Variants in OSBPL3 observed in about 807,000 individuals in gnomAD.
OSBPL3 encodes oxysterol binding protein like 3, also known as oxysterol-binding protein-related protein 3.
OSBPL3 carries 65 observed loss-of-function variants against 120.1 expected under a neutral mutation model. That is an observed-to-expected ratio of 0.54 (90% confidence interval 0.44 to 0.67). OSBPL3 has a LOEUF of 0.67. Ranked by LOEUF, OSBPL3 falls within the 30% of genes least tolerant of loss-of-function variation. The probability of loss-of-function intolerance (pLI) is 0.00; values close to 1 mark genes in which losing one functional copy is unlikely to be tolerated. For missense variants in OSBPL3, 1,004 were observed against 1,082.1 expected, an observed-to-expected ratio of 0.93 and a Z score of 1.01; for synonymous variants, 416 against 402.6, an observed-to-expected ratio of 1.03 and a Z score of -0.40.
Position 24,849,087 on chromosome 7 carries a change from C to G in OSBPL3, c.1248G>C (p.Ser416=). 1 of 1,613,382 alleles carries G rather than the reference C, an allele frequency of 6.2e-7. No individual in the cohort carries two copies. Among genetic ancestry groups the G allele is most frequent in the Non-Finnish European group, 8.5e-7 (1 of 1,179,428 alleles). The change falls in exon 12 of 23, where the codon TCG becomes TCC. Residue 416 remains serine (S), a synonymous_variant. Transcript: ENST00000313367. This position sits in a 1 kb window ranked among gnomAD's most constrained non-coding sequence, Gnocchi z 5.4. ...LLLDSPAVAK[S]GDNLAEENSR... is the part of the protein sequence containing the mutation. ...TACCCACCTCTGCCAGATTGTCACC[C>G]GACTTGGCGACAGCGGGGGAGTCGA...
chr7:24,919,694 T>C (rs1005432290), intron 1 of OSBPL3, among the ~76,000 whole-genome samples: 94 of 151,286 alleles, frequency 6.2e-4, no homozygotes, highest in African/African-American at 2.1e-3. Flanking sequence ...CATTTTGCAC[T>C]TCAAAGGGCA....
At chr7:24,920,361 C>A (rs1810247242) in intron 1 of OSBPL3, among the ~76,000 whole-genome samples, 1 of 152,110 alleles carries the variant, frequency 6.6e-6, no homozygotes. Context: ...TAAAACATTA[C>A]ACTAAGTGAA....
At position 24,898,783 on chromosome 7, in the gene OSBPL3, G is replaced by A. The variant is rs928717898; in HGVS notation, c.-149-6162C>T. Among the ~76,000 whole-genome samples, 4 of 152,104 alleles carry A rather than the reference G, an allele frequency of 2.6e-5. No homozygotes were observed. Among genetic ancestry groups the A allele is most frequent in the African/African-American group, 7.2e-5 (3 of 41,428 alleles). On this transcript the variant is annotated intron_variant, in intron 1 of 22. Transcript: ENST00000313367. The surrounding 1 kb of genome is among the most constrained non-coding windows in gnomAD (Gnocchi z 4.3). Reference sequence around the variant, plus strand: ...CATTAGAATCATGGAGCCTAATAACGAATTCTAGCCCAACCTCCGGCTTAA... The same window carrying A: ...CATTAGAATCATGGAGCCTAATAACAAATTCTAGCCCAACCTCCGGCTTAA...
intron 1 of OSBPL3, among the ~76,000 whole-genome samples, chr7:24,956,666 T>G (rs1406565013): frequency 6.6e-6 from 1 of 152,256 alleles, no homozygotes; most frequent in Non-Finnish European, 1.5e-5. Context: ...TATTCTTCCT[T>G]GTAAAACAGG....
rs148356855 is a variant in OSBPL3 at position 24,929,603 on chromosome 7, C to CT, written c.-149-36983dup. On this transcript the variant is annotated intron_variant, in intron 1 of 22. Coordinates refer to ENST00000313367, the MANE Select transcript of OSBPL3 (RefSeq NM_015550.4). ...CTATAATTCTCTCCCAAATACCACA[C>CT]TTTTTTTTTAAGGAATAAGAATTCA... Among the ~76,000 whole-genome samples the CT allele has an allele frequency of 3.1e-3, 473 of 151,128 alleles. 1 individual carries two copies. In the Middle Eastern group the frequency reaches 0.038, roughly 12 times the overall value.
chr7:24,942,361 A>G lies in OSBPL3; in HGVS notation c.-150+37525T>C, dbSNP rs1037962397. ...CACACCTGACCACGGCACTAAGTGC[A>G]CTTGTAGCCAGGAGTGCCTGAAGCC... On this transcript the variant is annotated intron_variant, in intron 1 of 22. Transcript: ENST00000313367. 7.2e-5 allele frequency among the ~76,000 whole-genome samples: 11 copies of G among 152,214 alleles called. No homozygotes were observed. The East Asian group carries it at 1.9e-3, about 27-fold the overall frequency.
rs898011290 is a variant in OSBPL3 at position 24,936,207 on chromosome 7, A to G, written c.-149-43586T>C. On this transcript the variant is annotated intron_variant, in intron 1 of 22. Coordinates refer to ENST00000313367, the MANE Select transcript of OSBPL3 (RefSeq NM_015550.4). The surrounding 1 kb of genome is among the most constrained non-coding windows in gnomAD (Gnocchi z 4.2). ...AGATAAACTTGAAAAGTTCTTCCCC[A>G]TGAAGCTGAGTGAGTAAGTAAGAAC... Among the ~76,000 whole-genome samples the G allele has an allele frequency of 6.6e-6, 1 of 152,194 alleles. No homozygotes were observed. Among genetic ancestry groups the G allele is most frequent in the African/African-American group, 2.4e-5 (1 of 41,442 alleles).
Position 24,900,793 on chromosome 7 carries a change from C to A in OSBPL3, c.-149-8172G>T, listed in dbSNP as rs1353639031. Among the ~76,000 whole-genome samples, 1 of 152,096 alleles carries A rather than the reference C, an allele frequency of 6.6e-6. No individual in the cohort carries two copies. The highest frequency in any genetic ancestry group is 1.5e-5 in the Non-Finnish European group (1 of 68,020). On this transcript the variant is annotated intron_variant, in intron 1 of 22. Coordinates refer to ENST00000313367, the MANE Select transcript of OSBPL3 (RefSeq NM_015550.4). The surrounding 1 kb of genome is among the most constrained non-coding windows in gnomAD (Gnocchi z 4.5). Reference sequence around the variant, plus strand: ...GACCAGCCTGGGCAACAAGGCGAAACCCCCATCTTTACAAAAAATATTAGG... The same window carrying A: ...GACCAGCCTGGGCAACAAGGCGAAAACCCCATCTTTACAAAAAATATTAGG...
chr7:24,845,286 A>G (rs1205495384), intron 12 of OSBPL3, among the ~76,000 whole-genome samples: 1 of 147,686 alleles, frequency 6.8e-6, no homozygotes, highest in Non-Finnish European at 1.5e-5. Flanking sequence ...AAGCTTGTAG[A>G]GATGTTATTC....
intron 10 of OSBPL3, among the ~76,000 whole-genome samples, chr7:24,859,880 A>G (rs1800289738): frequency 1.3e-5 from 2 of 152,150 alleles, no homozygotes; most frequent in African/African-American, 4.8e-5. Flanking sequence ...AAAAAATTCA[A>G]TCCCCTATTG....
At chr7:24,902,110 T>A (rs1807113097) in intron 1 of OSBPL3, among the ~76,000 whole-genome samples, 1 of 152,238 alleles carries the variant, frequency 6.6e-6, no homozygotes, top group Non-Finnish European at 1.5e-5. Context: ...AGGATCTCCC[T>A]GAAAGGGGTT....
Position 24,870,643 on chromosome 7 carries a change from C to T in OSBPL3, c.381+89G>A, listed in dbSNP as rs1376528673. On this transcript the variant is annotated intron_variant, in intron 5 of 22. Coordinates refer to ENST00000313367, the MANE Select transcript of OSBPL3 (RefSeq NM_015550.4). The stretch of plus-strand genomic sequence containing the variant: ...TAATGAAGGTCTTCTACATGTTGGC[C>T]GAATACCCAAAAGGCATTACCAATA... 3.2e-5 allele frequency: 26 copies of T among 812,806 alleles called. No homozygotes were observed. The South Asian group carries it at 3.3e-4, about 10-fold the overall frequency. 50.3% of individuals were successfully genotyped at this position (812,806 alleles called of 1,614,324 possible). A position where few individuals can be genotyped will look rare whatever the true frequency, so the allele number is the denominator to read the frequency against.
At chr7:24,880,036 A>C (rs1348788651) in intron 2 of OSBPL3, among the ~76,000 whole-genome samples, 1 of 152,204 alleles carries the variant, frequency 6.6e-6, no homozygotes, top group Non-Finnish European at 1.5e-5. Context: ...GAAAACATCC[A>C]GCCCATAAAT....
At chr7:24,949,414 T>C (rs1814119685) in intron 1 of OSBPL3, among the ~76,000 whole-genome samples, 1 of 152,246 alleles carries the variant, frequency 6.6e-6, no homozygotes, top group Non-Finnish European at 1.5e-5. Flanking sequence ...TTTTCTTTCT[T>C]AGTGGTACAT....
intron 1 of OSBPL3, among the ~76,000 whole-genome samples, chr7:24,929,708 G>C (rs7792910): frequency 0.13 from 20,309 of 152,030 alleles, 1,674 homozygotes; most frequent in East Asian, 0.23. Flanking sequence ...CATGAACTTT[G>C]ATGTGAACAT....
rs1813796047 is a variant in OSBPL3 at position 24,946,889 on chromosome 7, T to A, written c.-150+32997A>T. On this transcript the variant is annotated intron_variant, in intron 1 of 22. Coordinates refer to ENST00000313367, the MANE Select transcript of OSBPL3 (RefSeq NM_015550.4). This position sits in a 1 kb window ranked among gnomAD's most constrained non-coding sequence, Gnocchi z 4.3. Reference sequence around the variant, plus strand: ...ATCTGCTTTGTGAGGATAAGAACTGTCTTAACTCTTTTTCTTTCCCACAAC... The same window carrying A: ...ATCTGCTTTGTGAGGATAAGAACTGACTTAACTCTTTTTCTTTCCCACAAC... Among the ~76,000 whole-genome samples, 1 of 152,240 alleles carries A rather than the reference T, an allele frequency of 6.6e-6. No individual in the cohort carries two copies. The highest frequency in any genetic ancestry group is 1.5e-5 in the Non-Finnish European group (1 of 68,032).
In OSBPL3 at chr7:24,965,812, A is replaced by G. The variant is rs1816309642; in HGVS notation, c.-150+14074T>C. 6.6e-6 allele frequency among the ~76,000 whole-genome samples: 1 copy of G among 152,084 alleles called. No individual in the cohort carries two copies. The highest frequency in any genetic ancestry group is 6.5e-5 in the Admixed American group (1 of 15,276). On this transcript the variant is annotated intron_variant, in intron 1 of 22. Transcript: ENST00000313367. This position sits in a 1 kb window ranked among gnomAD's most constrained non-coding sequence, Gnocchi z 4.3. ...GCAATCCTCCCACCTCAGCCTCCCAAAGTGTTGGGATTACAGGCATTAGCC... is the reference window on the plus strand; with the variant it reads ...GCAATCCTCCCACCTCAGCCTCCCAGAGTGTTGGGATTACAGGCATTAGCC...
intron 19 of OSBPL3, among the ~76,000 whole-genome samples, chr7:24,811,564 A>G (rs139706751): frequency 6.6e-6 from 1 of 152,352 alleles, no homozygotes; most frequent in Non-Finnish European, 1.5e-5. Flanking sequence ...TCATATCCAA[A>G]AATAATAACT....
chr7:24,951,170 T>A (rs1472776419), intron 1 of OSBPL3, among the ~76,000 whole-genome samples: 1 of 152,150 alleles, frequency 6.6e-6, no homozygotes. Context: ...AACGAAGAAA[T>A]TTGAGATTAT....
Sources: gnomAD v4.1 joint callset for allele counts (sites outside exome capture counted in the v4.1 genomes callset) on GRCh38, gnomAD v4.1.1 for gene constraint, Gnocchi (gnomAD v3.1) non-coding constraint, MANE v1.5 for transcripts, NCBI Gene and HGNC (gene_info 2026-07-23, HGNC 2026-07-21) for gene names.